Variants in CFI observed in about 807,000 individuals in gnomAD.
CFI encodes C3B/C4B inactivator.
CFI carries 66 observed loss-of-function variants against 78.8 expected under a neutral mutation model. That is an observed-to-expected ratio of 0.84 (90% CI 0.69 to 1.03). The LOEUF (loss-of-function observed/expected upper bound fraction) is 1.03. Among genes scored for constraint, CFI ranks in the 50% least tolerant of loss-of-function variants. The probability of loss-of-function intolerance (pLI) is 0.00; values close to 1 mark genes in which losing one functional copy is unlikely to be tolerated. For synonymous variants in CFI, 250 were observed against 232.6 expected (o/e 1.07, Z -0.68); for missense variants, 706 against 704.5 (o/e 1.00, Z -0.02).
chr4:109,767,862 G>A (rs923507778), intron 1 of CFI, among the ~76,000 whole-genome samples: 9 of 152,074 alleles, frequency 5.9e-5, no homozygotes, highest in African/African-American at 2.2e-4. Flanking sequence ...ATTCACAATA[G>A]CAAAGACTTG....
chr4:109,791,856 G>C (rs772896651), intron 1 of CFI, among the ~76,000 whole-genome samples: 3 of 152,020 alleles, frequency 2.0e-5, no homozygotes, highest in Non-Finnish European at 2.9e-5. Context: ...ATATGTTTTG[G>C]TATGTTGTGT....
chr4:109,785,978 C>T (rs1730685579), intron 1 of CFI, among the ~76,000 whole-genome samples: 1 of 151,878 alleles, frequency 6.6e-6, no homozygotes, highest in African/African-American at 2.4e-5. Flanking sequence ...ATTACCTAGT[C>T]TTGGGCAGTT....
intron 1 of CFI, among the ~76,000 whole-genome samples, chr4:109,801,349 G>A (rs28541379): frequency 0.016 from 2,361 of 152,220 alleles, 52 homozygotes; most frequent in African/African-American, 0.052. Flanking sequence ...AGAATTAAAC[G>A]TTCAGCTCAA....
intron 1 of CFI, among the ~76,000 whole-genome samples, chr4:109,768,648 G>A (rs1410868008): frequency 6.6e-6 from 1 of 152,154 alleles, no homozygotes; most frequent in African/African-American, 2.4e-5. Flanking sequence ...CTGTCTCCCT[G>A]TCCCCCAGAG....
chr4:109,788,532 G>GT (rs749951525), intron 1 of CFI, among the ~76,000 whole-genome samples: 5 of 151,648 alleles, frequency 3.3e-5, no homozygotes, highest in South Asian at 4.2e-4. Flanking sequence ...ATTTTTTCTT[G>GT]TTTTTTGTAG....
intron 1 of CFI, among the ~76,000 whole-genome samples, chr4:109,790,971 G>A (rs1351065225): frequency 2.6e-5 from 4 of 152,152 alleles, no homozygotes; most frequent in Non-Finnish European, 5.9e-5. Context: ...CCCAGTAATG[G>A]GATTGCTGGG....
chr4:109,737,648 C>T (rs894784070), downstream of CFI, among the ~76,000 whole-genome samples: 8 of 152,206 alleles, frequency 5.3e-5, no homozygotes, highest in Non-Finnish European at 1.0e-4. Context: ...ACAAGCTGTA[C>T]GTGGAGACTG....
At chr4:109,743,500 C>G (rs1352501247) in intron 11 of CFI, among the ~76,000 whole-genome samples, 2 of 152,170 alleles carry the variant, frequency 1.3e-5, no homozygotes, top group Non-Finnish European at 2.9e-5. Flanking sequence ...ATCTTTCAGC[C>G]ATGGAACTTA....
At chr4:109,732,461 G>A in the CFI span, among the ~76,000 whole-genome samples, 2 of 152,156 alleles carry the variant, frequency 1.3e-5, no homozygotes, top group Non-Finnish European at 2.9e-5. Context: ...CTTAATTGAT[G>A]CTGTTAAATA....
rs1000145596 is a variant in CFI, at chr4:109,781,537, G to T, written c.58-14713C>A. Among the ~76,000 whole-genome samples the T allele has an allele frequency of 2.6e-5, 4 of 151,948 alleles. No individual in the cohort carries two copies. The East Asian group carries it at 5.8e-4, about 22-fold the overall frequency. On this transcript the variant is annotated intron_variant, in intron 1 of 12. Transcript: ENST00000394634. Reference sequence around the variant, plus strand: ...ATTAAAAAATTACCAATGAACAAAAGGTCCAGGACCAGACAGATTCACAGC... The same window carrying T: ...ATTAAAAAATTACCAATGAACAAAATGTCCAGGACCAGACAGATTCACAGC...
chr4:109,774,255 A>T (rs1327605809), intron 1 of CFI, among the ~76,000 whole-genome samples: 1 of 152,202 alleles, frequency 6.6e-6, no homozygotes, highest in Non-Finnish European at 1.5e-5. Flanking sequence ...TAAACAGTAA[A>T]TATATAAGAT....
intron 6 of CFI, among the ~76,000 whole-genome samples, chr4:109,759,830 G>T (rs2126212860): frequency 6.6e-6 from 1 of 152,258 alleles, no homozygotes; most frequent in African/African-American, 2.4e-5. Context: ...GGAGGTTGAG[G>T]TTGCAATGAG....
At chr4:109,748,885 A>G (rs913047827) in intron 10 of CFI, among the ~76,000 whole-genome samples, 3 of 152,204 alleles carry the variant, frequency 2.0e-5, no homozygotes, top group Non-Finnish European at 4.4e-5. Flanking sequence ...CCACACAGTA[A>G]AGAAAATATA....
chr4:109,765,915 G>A (rs1001980404), intron 2 of CFI, among the ~76,000 whole-genome samples: 1 of 152,038 alleles, frequency 6.6e-6, no homozygotes. Flanking sequence ...TCAGGAGATC[G>A]AGACCATCCT....
chr4:109,744,055 C>T (rs1425909603), intron 11 of CFI, among the ~76,000 whole-genome samples: 1 of 151,776 alleles, frequency 6.6e-6, no homozygotes, highest in Non-Finnish European at 1.5e-5. Flanking sequence ...ATAAGAATTA[C>T]CCATTCTCTT....
chr4:109,731,236 C>A, the CFI span, among the ~76,000 whole-genome samples: 1 of 152,100 alleles, frequency 6.6e-6, no homozygotes, highest in Admixed American at 6.5e-5. Context: ...ATCCCAGCTA[C>A]TCGGGAGGCG....
chr4:109,742,144 C>A, intron 12 of CFI: 1 of 261,452 alleles, frequency 3.8e-6, no homozygotes, highest in Non-Finnish European at 7.5e-6. Context: ...ATCTCAGATG[C>A]CTTATCTATG....
chr4:109,749,461 T>A (rs1404546354), intron 9 of CFI, 38 bp downstream of exon 9: 2 of 1,551,944 alleles, frequency 1.3e-6, no homozygotes, highest in East Asian at 2.2e-5. Context: ...TTAGGCTGTT[T>A]CTGGGCAGTT....
chr4:109,751,837 C>T (rs1019033860), intron 8 of CFI, among the ~76,000 whole-genome samples: 10 of 152,110 alleles, frequency 6.6e-5, no homozygotes, highest in African/African-American at 2.4e-4. Context: ...ATTTAAAAAT[C>T]CCACTGAAAC....
Sources: gnomAD v4.1 joint callset for allele counts (sites outside exome capture counted in the v4.1 genomes callset) on GRCh38, gnomAD v4.1.1 for gene constraint, MANE v1.5 for transcripts, NCBI Gene and HGNC (gene_info 2026-07-23, HGNC 2026-07-21) for gene names.